Variants in NCKAP5 observed in about 807,000 individuals in gnomAD.
NCKAP5 encodes nck-associated protein 5.
NCKAP5 carries 92 observed loss-of-function variants against 167.0 expected under a neutral mutation model. The ratio of observed to expected loss-of-function variants is 0.55; its 90% confidence interval spans 0.47 to 0.66. The LOEUF is 0.66. Among genes scored for constraint, NCKAP5 ranks in the 30% least tolerant of loss-of-function variants. The pLI, the probability that NCKAP5 is intolerant of heterozygous loss-of-function variation, is 0.00. For synonymous variants in NCKAP5, 891 were observed against 877.4 expected, an observed-to-expected ratio of 1.02 and a Z score of -0.27; for missense variants, 2,378 against 2,315.0, an observed-to-expected ratio of 1.03 and a Z score of -0.56.
At chr2:133,357,164 A>G (rs1684789353) in intron 3 of NCKAP5, among the ~76,000 whole-genome samples, 1 of 152,090 alleles carries the variant, frequency 6.6e-6, no homozygotes, top group African/African-American at 2.4e-5. Context: ...TATTTGATGG[A>G]TCATGGAATA....
chr2:133,016,301 G>T (rs1354670521), intron 6 of NCKAP5, among the ~76,000 whole-genome samples: 1 of 152,158 alleles, frequency 6.6e-6, no homozygotes, highest in Non-Finnish European at 1.5e-5. Flanking sequence ...ATTTATAACA[G>T]ATTTTGCAAA....
chr2:132,779,976 T>C (rs764056634), intron 15 of NCKAP5, among the ~76,000 whole-genome samples: 25 of 152,160 alleles, frequency 1.6e-4, no homozygotes, highest in Non-Finnish European at 3.5e-4. Flanking sequence ...AAAGAGAATA[T>C]TTTGTGTTTA....
At chr2:132,894,797 C>T (rs537268711) in intron 8 of NCKAP5, among the ~76,000 whole-genome samples, 19 of 152,270 alleles carry the variant, frequency 1.2e-4, no homozygotes, top group African/African-American at 4.6e-4. Flanking sequence ...CGCCCTCCGC[C>T]CTGCTCCCCA....
At chr2:133,406,564 C>A (rs1267845202) in intron 3 of NCKAP5, among the ~76,000 whole-genome samples, 1 of 70,206 alleles carries the variant, frequency 1.4e-5, no homozygotes, top group Non-Finnish European at 2.6e-5. Context: ...AAAAACAAAC[C>A]AACAAAAAAC....
chr2:132,943,524 C>T (rs1309459211), intron 8 of NCKAP5, among the ~76,000 whole-genome samples: 1 of 152,198 alleles, frequency 6.6e-6, no homozygotes, highest in African/African-American at 2.4e-5. Flanking sequence ...GCCCAAACCC[C>T]TCTTTACACA....
At chr2:133,666,293 G>A in the NCKAP5 span, among the ~76,000 whole-genome samples, 5 of 150,130 alleles carry the variant, frequency 3.3e-5, no homozygotes, top group South Asian at 2.1e-4. Context: ...TGCCTCCCAG[G>A]TTCAAGAGAT....
chr2:133,455,178 C>T (rs1691771369), intron 3 of NCKAP5, among the ~76,000 whole-genome samples: 2 of 152,012 alleles, frequency 1.3e-5, no homozygotes, highest in South Asian at 2.1e-4. Flanking sequence ...TGAAAGGCTC[C>T]ACAATTTTTC....
intron 3 of NCKAP5, among the ~76,000 whole-genome samples, chr2:133,430,926 G>T (rs1690120435): frequency 6.6e-6 from 1 of 151,878 alleles, no homozygotes; most frequent in Non-Finnish European, 1.5e-5. Context: ...GTCTGAAATT[G>T]TTAAATTGAT....
intron 4 of NCKAP5, among the ~76,000 whole-genome samples, chr2:133,246,812 G>A (rs572685619): frequency 1.3e-5 from 2 of 152,306 alleles, no homozygotes; most frequent in South Asian, 4.1e-4. Context: ...AACATTAAAT[G>A]AGGAGATGCA....
At chr2:132,764,343 C>T (rs1681267020) in intron 16 of NCKAP5, among the ~76,000 whole-genome samples, 1 of 152,148 alleles carries the variant, frequency 6.6e-6, no homozygotes, top group Admixed American at 6.5e-5. Context: ...TCACATGGTC[C>T]TGTTTTCATG....
chr2:133,430,101 C>T (rs935205714), intron 3 of NCKAP5, among the ~76,000 whole-genome samples: 5 of 151,968 alleles, frequency 3.3e-5, no homozygotes, highest in Admixed American at 6.6e-5. Context: ...ATATGTTTGT[C>T]GGCTGCTTCT....
At chr2:133,615,068 G>C in the NCKAP5 span, among the ~76,000 whole-genome samples, 2 of 150,606 alleles carry the variant, frequency 1.3e-5, no homozygotes, top group African/African-American at 4.8e-5. Context: ...AAGTGAAGGA[G>C]AAATAAAATA....
intron 3 of NCKAP5, among the ~76,000 whole-genome samples, chr2:133,392,802 G>A (rs1687501018): frequency 6.6e-6 from 1 of 152,074 alleles, no homozygotes. Flanking sequence ...TACAAACAAG[G>A]CAATTTAATT....
the NCKAP5 span, among the ~76,000 whole-genome samples, chr2:133,673,431 C>A: frequency 2.2e-4 from 33 of 152,270 alleles, no homozygotes; most frequent in South Asian, 1.0e-3. Context: ...TGTTGCATGG[C>A]ACCCATTTCA....
At chr2:133,651,089 T>C in the NCKAP5 span, among the ~76,000 whole-genome samples, 1 of 152,062 alleles carries the variant, frequency 6.6e-6, no homozygotes, top group Non-Finnish European at 1.5e-5. Flanking sequence ...GATGAAAACA[T>C]AGAGGAAATA....
chr2:133,409,037 G>A (rs760087317), intron 3 of NCKAP5, among the ~76,000 whole-genome samples: 3 of 152,224 alleles, frequency 2.0e-5, no homozygotes, highest in Non-Finnish European at 4.4e-5. Flanking sequence ...CACAGTAAAA[G>A]CTAATATATG....
At chr2:133,500,220 C>T (rs1238579871) in intron 3 of NCKAP5, among the ~76,000 whole-genome samples, 2 of 152,202 alleles carry the variant, frequency 1.3e-5, no homozygotes, top group East Asian at 1.9e-4. Flanking sequence ...ATTAATTCAA[C>T]AATAATATGA....
chr2:133,368,107 C>T (rs1685567997), intron 3 of NCKAP5, among the ~76,000 whole-genome samples: 1 of 152,202 alleles, frequency 6.6e-6, no homozygotes, highest in African/African-American at 2.4e-5. Flanking sequence ...TTAGAGGTCA[C>T]ATGCCCTTTT....
chr2:133,098,345 T>G (rs1411482935), intron 6 of NCKAP5, among the ~76,000 whole-genome samples: 3 of 152,184 alleles, frequency 2.0e-5, no homozygotes, highest in African/African-American at 7.2e-5. Flanking sequence ...GTTGCTAAAT[T>G]ACAGCTGAAT....
Sources: gnomAD v4.1 joint callset for allele counts (sites outside exome capture counted in the v4.1 genomes callset) on GRCh38, gnomAD v4.1.1 for gene constraint, MANE v1.5 for transcripts, NCBI Gene and HGNC (gene_info 2026-07-23, HGNC 2026-07-21) for gene names.